The following DVL1 variants were observed in gnomAD, a reference collection of about 807,000 sequenced individuals.
The protein encoded by DVL1 is segment polarity protein dishevelled homolog DVL-1.
A neutral mutation model predicts 65.0 loss-of-function variants in DVL1; 49 were observed. The observed-to-expected ratio is 0.75, with a 90% confidence interval of 0.60 to 0.96. DVL1 has a LOEUF of 0.96. Ranked by LOEUF, DVL1 falls within the 40% of genes least tolerant of loss-of-function variation. The probability of loss-of-function intolerance (pLI) is 0.00; values close to 1 mark genes in which losing one functional copy is unlikely to be tolerated. For synonymous variants in DVL1, 608 were observed against 433.9 expected (o/e 1.40, Z -4.99); for missense variants, 1,197 against 1,045.4 (o/e 1.15, Z -2.00).
At chr1:1,348,427 G>T (rs907626379) in intron 1 of DVL1, among the ~76,000 whole-genome samples, 1 of 152,020 alleles carries the variant, frequency 6.6e-6, no homozygotes, top group Admixed American at 6.5e-5. Context: ...TGCAGAAGGG[G>T]GCCAGGAGAA....
intron 1 of DVL1, among the ~76,000 whole-genome samples, chr1:1,344,914 A>C (rs1027610934): frequency 2.0e-5 from 3 of 152,024 alleles, no homozygotes; most frequent in African/African-American, 7.3e-5. Flanking sequence ...CCTGGCCGGC[A>C]GCTTCTCCCC....
At chr1:1,339,029 C>A (rs999852819) in intron 11 of DVL1, among the ~76,000 whole-genome samples, 2 of 152,220 alleles carry the variant, frequency 1.3e-5, no homozygotes, top group African/African-American at 2.4e-5. Context: ...AGACCTGGCC[C>A]CTGCCTCTGA....
chr1:1,337,048 G>C (rs1300711491), intron 14 of DVL1: 9 of 988,706 alleles, frequency 9.1e-6, no homozygotes, highest in Non-Finnish European at 1.1e-5. Context: ...TAGTCCTTCA[G>C]TCTAAGGCTT....
chr1:1,341,122 T>C (rs1643804661), intron 5 of DVL1, among the ~76,000 whole-genome samples: 1 of 131,566 alleles, frequency 7.6e-6, no homozygotes, highest in Non-Finnish European at 1.6e-5. Flanking sequence ...CACGCACGCC[T>C]GCACATGCAC....
At chr1:1,342,657 C>G (rs758306455) in intron 2 of DVL1, 32 bp downstream of exon 2, 1 of 1,609,788 alleles carries the variant, frequency 6.2e-7, no homozygotes, top group Admixed American at 1.7e-5. Flanking sequence ...GCTCCCCAGG[C>G]GAGCCTTCGG....
Position 1,338,120 on chromosome 1 carries a change from G to A in DVL1, c.1571C>T (p.Pro524Leu), listed in dbSNP as rs551168455. The stretch of plus-strand genomic sequence containing the variant: ...CCAGGGGGCAGCCGGGTGGGGCAGC[G>A]GGGCCAGCGTGTCCTGATCCGAAGT... ...SGTSDQDTLA[P>L]LPHPAAPWPL... is the part of the protein sequence containing the mutation. The change falls in exon 14 of 15, where the codon CCG becomes CTG. Residue 524 changes from proline to leucine, a missense_variant. Coordinates refer to ENST00000378888, the MANE Select transcript of DVL1 (RefSeq NM_001330311.2). 34 of 1,609,586 alleles carry A rather than the reference G, an allele frequency of 2.1e-5. No individual in the cohort carries two copies. The highest frequency in any genetic ancestry group is 1.7e-4 in the Admixed American group (10 of 59,686).
Position 1,338,102 on chromosome 1 carries a change from G to A in DVL1, c.1589C>T (p.Ala530Val). 6.2e-7 allele frequency: 1 copy of A among 1,609,998 alleles called. No homozygotes were observed. Among genetic ancestry groups the A allele is most frequent in the South Asian group, 1.1e-5 (1 of 90,858 alleles). The change falls in exon 14 of 15, where the codon GCC becomes GTC. Residue 530 changes from alanine to valine, a missense_variant. Coordinates refer to ENST00000378888, the MANE Select transcript of DVL1 (RefSeq NM_001330311.2). ...DTLAPLPHPA[A>V]PWPLGQGYPY... is the part of the protein sequence containing the mutation. ...GTAGCCCTGACCCAGAGGCCAGGGG[G>A]CAGCCGGGTGGGGCAGCGGGGCCAG...
intron 9 of DVL1, 29 bp from the exon 10 acceptor site, chr1:1,339,678 C>T: frequency 1.2e-6 from 2 of 1,612,294 alleles, no homozygotes; most frequent in South Asian, 2.2e-5. Context: ...CACAGCAAGG[C>T]CCCCATGGTC....
chr1:1,349,019 G>A lies in DVL1; in HGVS notation c.47C>T (p.Pro16Leu), dbSNP rs748257909. 1.9e-6 allele frequency: 3 copies of A among 1,569,264 alleles called. No individual in the cohort carries two copies. The highest frequency in any genetic ancestry group is 2.8e-5 in the African/African-American group (2 of 71,560). ...GGCCACGGGCAGCTTGACCAGGTAC[G>A]GCGTCTCCTCCTCGTCCATGTGGTA... ...IIYHMDEEETPYLVKLPVAPE... is the reference protein window; with the variant it reads ...IIYHMDEEETLYLVKLPVAPE... Residue 16 changes from proline (P) to leucine (L), a missense_variant, in exon 1 of 15, where the codon CCG becomes CTG. Transcript: ENST00000378888. The surrounding 1 kb of genome is among the most constrained non-coding windows in gnomAD (Gnocchi z 4.1).
intron 14 of DVL1, among the ~76,000 whole-genome samples, chr1:1,336,799 G>A (rs1021376383): frequency 2.0e-5 from 3 of 152,280 alleles, no homozygotes; most frequent in Admixed American, 1.3e-4. Context: ...CTGGTCTTGC[G>A]GCTGAAAGAC....
intron 14 of DVL1, chr1:1,337,631 G>A (rs776391744): frequency 6.6e-6 from 3 of 456,154 alleles, no homozygotes; most frequent in Middle Eastern, 3.2e-4. Context: ...AGGCACAGCC[G>A]CCCAGGCCGC....
At chr1:1,339,218 C>T in intron 11 of DVL1, 69 bp downstream of exon 11, 3 of 1,532,318 alleles carry the variant, frequency 2.0e-6, no homozygotes, top group South Asian at 2.4e-5. Flanking sequence ...GGCGGCCATG[C>T]TGGAGGCTGG....
intron 4 of DVL1, 122 bp from the exon 5 acceptor site, chr1:1,341,927 T>C: frequency 6.8e-7 from 1 of 1,460,820 alleles, no homozygotes. Context: ...GTAGGCTCGC[T>C]GGGCCTGTGC....
chr1:1,339,475 G>A, intron 10 of DVL1, 36 bp from the exon 11 acceptor site: 1 of 1,097,324 alleles, frequency 9.1e-7, no homozygotes. Flanking sequence ...CAGGCGGACA[G>A]ATGGACAGGG....
Position 1,336,077 on chromosome 1 carries a change from G to C in DVL1, c.*65C>G, listed in dbSNP as rs1301773908. On this transcript the variant is annotated 3_prime_UTR_variant, in exon 15 of 15. Coordinates refer to ENST00000378888, the MANE Select transcript of DVL1 (RefSeq NM_001330311.2). ...GGCCCCCACGAAGGCAAGCCCACGC[G>C]AGCTCTGCATGCGGCAGGACCGCCA... The C allele has an allele frequency of 1.2e-5, 18 of 1,532,624 alleles. No homozygotes were observed. The highest frequency in any genetic ancestry group is 1.6e-5 in the Non-Finnish European group (18 of 1,144,124). The allele number at this position is 1,532,624 out of a possible 1,614,324, so 94.9% of individuals were successfully genotyped here.
chr1:1,338,229 T>TGGGCCCCC, intron 13 of DVL1, 40 bp downstream of exon 13: 56 of 1,521,942 alleles, frequency 3.7e-5, no homozygotes, highest in Non-Finnish European at 4.7e-5. Context: ...CCTCCGGCGT[T>TGGGCCCCC]CCCCTCCCCC....
rs770759169 is a variant in DVL1, at chr1:1,338,319, T to C, written c.1457A>G (p.Lys486Arg). 36 of 1,610,562 alleles carry C rather than the reference T, an allele frequency of 2.2e-5. 1 individual carries two copies. The highest frequency in any genetic ancestry group is 2.5e-5 in the Non-Finnish European group (30 of 1,179,178). The part of the protein sequence containing the change: ...KHGFLRHTVN[K>R]ITFSEQCYYV... ...GTAGCACTGCTCGGAGAAGGTGATC[T>C]TGTTGACCGTGTGCCGCAGGAAGCC... is the stretch of plus-strand genomic sequence containing the variant. Residue 486 changes from lysine (K) to arginine (R), a missense_variant, in exon 13 of 15, where the codon AAG (lysine) becomes AGG (arginine). Coordinates refer to ENST00000378888, the MANE Select transcript of DVL1 (RefSeq NM_001330311.2).
intron 1 of DVL1, among the ~76,000 whole-genome samples, chr1:1,345,747 G>A (rs1027273281): frequency 6.6e-6 from 1 of 152,178 alleles, no homozygotes; most frequent in Non-Finnish European, 1.5e-5. Flanking sequence ...GCGTGGTCCC[G>A]AATGCACCCC....
rs1569663913 is a variant in DVL1 at position 1,335,437 on chromosome 1, T to C, written c.*705A>G. 2.0e-5 allele frequency: 3 copies of C among 153,728 alleles called. No homozygotes were observed. The highest frequency in any genetic ancestry group is 1.9e-4 in the Admixed American group (3 of 15,558). 9.5% of individuals were successfully genotyped at this position (153,728 alleles called of 1,614,324 possible). ...GGAAGGCCGCGATGTGTGCGCGCAG[T>C]GTGTGCACTCACCAAGGACGGGCCA... On this transcript the variant is annotated 3_prime_UTR_variant, in exon 15 of 15. Coordinates refer to ENST00000378888, the MANE Select transcript of DVL1 (RefSeq NM_001330311.2).
Sources: gnomAD v4.1 joint callset for allele counts (sites outside exome capture counted in the v4.1 genomes callset) on GRCh38, gnomAD v4.1.1 for gene constraint, Gnocchi (gnomAD v3.1) non-coding constraint, MANE v1.5 for transcripts, NCBI Gene and HGNC (gene_info 2026-07-23, HGNC 2026-07-21) for gene names.